NUMA1: variants seen among roughly 807,000 people sequenced by gnomAD.
NUMA1 encodes the protein nuclear mitotic apparatus protein 1.
NUMA1 carries 62 observed loss-of-function variants against 237.1 expected under a neutral mutation model. That is an observed-to-expected ratio of 0.26 (90% CI 0.21 to 0.32). The LOEUF (loss-of-function observed/expected upper bound fraction) is 0.32, where lower values mean the gene tolerates loss of function less well. Ranked by LOEUF, NUMA1 falls within the 10% of genes least tolerant of loss-of-function variation. The pLI is 1.00. For missense variants in NUMA1, 2,533 were observed against 2,666.5 expected (o/e 0.95, Z 1.10); for synonymous variants, 1,028 against 1,066.1 (o/e 0.96, Z 0.70).
Position 72,018,190 on chromosome 11 carries a change from G to T in NUMA1, c.971C>A (p.Ser324Tyr), listed in dbSNP as rs1170043868. The change falls in exon 12 of 27, where the codon TCC becomes TAC. Residue 324 changes from serine to tyrosine, a missense_variant. This residue lies in a region of NUMA1 where 1,414 missense variants were observed against 1,508.1 expected (regional missense o/e 0.94). Transcript: ENST00000393695. ...NQLSEENGDL[S>Y]FKLREFASHL... ...CACCACCTTAACACCCACCTTAAAG[G>T]AAAGGTCTCCATTCTCCTCCGAAAG... 6.2e-7 allele frequency: 1 copy of T among 1,611,886 alleles called. No homozygotes were observed.
intron 2 of NUMA1, among the ~76,000 whole-genome samples, chr11:72,053,200 G>C (rs1202138055): frequency 2.0e-5 from 3 of 152,180 alleles, no homozygotes; most frequent in Non-Finnish European, 4.4e-5. Flanking sequence ...TGTCCAAGCT[G>C]GTCTCGAACT....
chr11:72,013,787 C>A lies in NUMA1; in HGVS notation c.3716G>T (p.Arg1239Leu). The A allele has an allele frequency of 6.2e-7, 1 of 1,610,006 alleles. No homozygotes were observed. Among genetic ancestry groups the A allele is most frequent in the Non-Finnish European group, 8.5e-7 (1 of 1,180,000 alleles). Residue 1239 changes from arginine to leucine, a missense_variant, in exon 15 of 27, where the codon CGC (arginine) becomes CTC (leucine). Arg to Leu is a moderately radical substitution (Grantham distance 102). This residue lies in a region of NUMA1 where 324 missense variants were observed against 407.6 expected (regional missense o/e 0.79). Transcript: ENST00000393695. This position sits in a 1 kb window ranked among gnomAD's most constrained non-coding sequence, Gnocchi z 6.8. ...CTCCCCCTCCTTCTCCAGGACCTGG[C>A]GATTCAGGATGGACACCTCCTCCTC... The part of the protein sequence containing the change: ...SLEEEVSILN[R>L]QVLEKEGESK...
At chr11:72,069,593 G>A (rs1943357684) in intron 2 of NUMA1, among the ~76,000 whole-genome samples, 1 of 152,166 alleles carries the variant, frequency 6.6e-6, no homozygotes, top group Admixed American at 6.5e-5. Context: ...GCTCACAAGA[G>A]TTCTGGGCAA....
chr11:72,050,878 T>C (rs1942299425), intron 2 of NUMA1: 1 of 145,714 alleles, frequency 6.9e-6, no homozygotes, highest in Admixed American at 7.3e-5. Context: ...ACCAGATCTA[T>C]ACCCACCTTT....
chr11:72,003,742 G>T, intron 26 of NUMA1, 145 bp downstream of exon 26: 1 of 1,007,654 alleles, frequency 9.9e-7, no homozygotes, highest in Non-Finnish European at 1.5e-6. Flanking sequence ...TCCTTGGAGA[G>T]GAGCTACCAG....
At chr11:72,060,564 G>A (rs1284378176) in intron 2 of NUMA1, among the ~76,000 whole-genome samples, 1 of 151,788 alleles carries the variant, frequency 6.6e-6, no homozygotes, top group Admixed American at 6.6e-5. Flanking sequence ...GACTGCTTGA[G>A]CCTGGGAGGC....
intron 26 of NUMA1, 141 bp downstream of exon 26, chr11:72,003,746 C>T: frequency 9.8e-7 from 1 of 1,021,146 alleles, no homozygotes; most frequent in Non-Finnish European, 1.5e-6. Flanking sequence ...TGGAGAGGAG[C>T]TACCAGGACA....
intron 1 of NUMA1, among the ~76,000 whole-genome samples, chr11:72,071,189 G>A (rs1409247670): frequency 6.6e-6 from 1 of 152,178 alleles, no homozygotes; most frequent in East Asian, 1.9e-4. Context: ...TTCTGCCAAA[G>A]TATTTCATTC....
chr11:72,079,807 T>G (rs559777705), intron 1 of NUMA1, among the ~76,000 whole-genome samples: 4 of 145,422 alleles, frequency 2.8e-5, no homozygotes, highest in Non-Finnish European at 4.5e-5. Context: ...CCCCAGGAAG[T>G]AGGTAAGGCA....
rs747660674 is a variant in NUMA1 at position 72,013,362 on chromosome 11, G to A, written c.4141C>T (p.His1381Tyr). Residue 1381 changes from histidine to tyrosine, a missense_variant, in exon 15 of 27, where the codon CAC becomes TAC. Around this residue, in one of 3 missense-constraint regions of NUMA1, gnomAD observed 324 missense variants for 407.6 expected, o/e 0.79. Transcript: ENST00000393695. The surrounding 1 kb of genome is among the most constrained non-coding windows in gnomAD (Gnocchi z 6.8). Reference protein sequence around the residue: ...QAEQAAAEKRHREELEQSKQA... With the variant: ...QAEQAAAEKRYREELEQSKQA... ...TTGCTCTGCTCCAGCTCCTCACGGT[G>A]GCGTTTCTCGGCAGCGGCCTGCTCG... 21 of 1,609,742 alleles carry A rather than the reference G, an allele frequency of 1.3e-5. No homozygotes were observed. The highest frequency in any genetic ancestry group is 1.7e-6 in the Non-Finnish European group (2 of 1,179,902).
intron 6 of NUMA1, 38 bp from the exon 7 acceptor site, chr11:72,022,457 GTC>G (rs1565230990): frequency 1.4e-6 from 2 of 1,415,460 alleles, no homozygotes; most frequent in Non-Finnish European, 2.0e-6. Context: ...GAGTGGGGCT[GTC>G]TCTCTTCTCA....
intron 16 of NUMA1, among the ~76,000 whole-genome samples, chr11:72,011,762 G>A (rs934798838): frequency 6.6e-6 from 1 of 152,010 alleles, no homozygotes; most frequent in South Asian, 2.1e-4. Context: ...TGATTCCCAT[G>A]AGAAAGAGGC....
chr11:72,008,812 C>T lies in NUMA1; in HGVS notation c.5092G>A (p.Gly1698Ser). 1 of 1,614,102 alleles carries T rather than the reference C, an allele frequency of 6.2e-7. No homozygotes were observed. Among genetic ancestry groups the T allele is most frequent in the Non-Finnish European group, 8.5e-7 (1 of 1,180,034 alleles). The change falls in exon 20 of 27, where the codon GGC (glycine) becomes AGC (serine). Residue 1698 changes from glycine to serine, a missense_variant. Around this residue, in one of 3 missense-constraint regions of NUMA1, gnomAD observed 795 missense variants for 750.8 expected, o/e 1.06. Coordinates refer to ENST00000393695, the MANE Select transcript of NUMA1 (RefSeq NM_006185.4). Reference protein sequence around the residue: ...AHADQQLRDLGKFQVATDALK... With the variant: ...AHADQQLRDLSKFQVATDALK... ...GCATCAGTTGCCACCTGGAATTTGC[C>T]CAGGTCTCGAAGCTGCTGGTCTGCA... is the stretch of plus-strand genomic sequence containing the variant.
intron 20 of NUMA1, chr11:72,008,433 T>C (rs1296256876): frequency 4.0e-6 from 2 of 503,232 alleles, no homozygotes; most frequent in Non-Finnish European, 7.2e-6. Context: ...CACACTGCTC[T>C]TCTCGTCAAC....
chr11:72,030,383 G>A (rs562674225), intron 3 of NUMA1, among the ~76,000 whole-genome samples: 1 of 152,042 alleles, frequency 6.6e-6, no homozygotes, highest in Admixed American at 6.6e-5. Context: ...GGGGGCGGTG[G>A]GGGATGAAAG....
At chr11:72,061,096 G>A (rs1225606766) in intron 2 of NUMA1, among the ~76,000 whole-genome samples, 2 of 152,100 alleles carry the variant, frequency 1.3e-5, no homozygotes, top group South Asian at 4.1e-4. Flanking sequence ...AATTAGCCAG[G>A]CACAGTGCTG....
intron 3 of NUMA1, among the ~76,000 whole-genome samples, chr11:72,033,589 T>C (rs897192075): frequency 5.3e-5 from 8 of 152,068 alleles, no homozygotes; most frequent in African/African-American, 1.9e-4. Context: ...CCCAGGGTGG[T>C]TGCAAACTTC....
At chr11:72,019,437 T>C (rs1006166185) in intron 9 of NUMA1, 57 bp downstream of exon 9, 48 of 1,597,028 alleles carry the variant, frequency 3.0e-5, no homozygotes, top group Non-Finnish European at 4.0e-5. Flanking sequence ...AAGTTAGGAA[T>C]GTGAGGAATG....
chr11:72,010,880 G>A lies in NUMA1; in HGVS notation c.4651-26C>T, dbSNP rs190802931. ...CTGGGGAGGGAAGAGGAGGACAGAA[G>A]ACTCAGGAGGACTTCCCCTGGATGT... is the stretch of plus-strand genomic sequence containing the variant. On this transcript the variant is annotated intron_variant, in intron 16 of 26. Transcript: ENST00000393695. The A allele has an allele frequency of 5.6e-4, 900 of 1,596,100 alleles. 3 individuals are homozygous for A. The African/African-American group carries it at 0.011, about 20-fold the overall frequency.
Sources: gnomAD v4.1 joint callset for allele counts (sites outside exome capture counted in the v4.1 genomes callset) on GRCh38, gnomAD v4.1.1 for gene constraint, gnomAD v4.1.1 regional missense constraint, Gnocchi (gnomAD v3.1) non-coding constraint, MANE v1.5 for transcripts, NCBI Gene and HGNC (gene_info 2026-07-23, HGNC 2026-07-21) for gene names.